Variants in KCNK9 observed in about 807,000 individuals in gnomAD.
The protein encoded by KCNK9 is potassium channel subfamily K member 9.
KCNK9 carries 1 observed loss-of-function variant against 10.8 expected under a neutral mutation model. The observed-to-expected ratio is 0.09, with a 90% CI of 0.03 to 0.44. The LOEUF (loss-of-function observed/expected upper bound fraction) is 0.44. Among genes scored for constraint, KCNK9 ranks in the 20% least tolerant of loss-of-function variants. The probability of loss-of-function intolerance (pLI) is 0.97; values close to 1 mark genes in which losing one functional copy is unlikely to be tolerated. For synonymous variants in KCNK9, 231 were observed against 222.7 expected (o/e 1.04, Z -0.33); for missense variants, 303 against 515.0 (o/e 0.59, Z 3.98).
At position 139,697,942 on chromosome 8, in the gene KCNK9, G is replaced by C. The variant is rs547932446; in HGVS notation, c.283+4768C>G. Reference sequence around the variant, plus strand: ...ATCTCCTGGCTCCCCAGCATGGCCAGCTACCCTGCTGGACATTACCAAGGA... The same window carrying C: ...ATCTCCTGGCTCCCCAGCATGGCCACCTACCCTGCTGGACATTACCAAGGA... On this transcript the variant is annotated intron_variant, in intron 1 of 1. Transcript: ENST00000520439. Among the ~76,000 whole-genome samples, 4 of 152,268 alleles carry C rather than the reference G, an allele frequency of 2.6e-5. No individual in the cohort carries two copies. In the East Asian group the frequency reaches 7.7e-4, roughly 29 times the overall value.
At chr8:139,625,808 TA>T (rs1480881835) in intron 1 of KCNK9, among the ~76,000 whole-genome samples, 2 of 151,628 alleles carry the variant, frequency 1.3e-5, no homozygotes, top group African/African-American at 4.9e-5. Flanking sequence ...TAATCATTTC[TA>T]TTGGGTCTGG....
downstream of KCNK9, chr8:139,611,898 A>C (rs1814436627): frequency 6.6e-6 from 1 of 152,242 alleles, no homozygotes; most frequent in African/African-American, 2.4e-5. Context: ...CCATTTGGGC[A>C]AGATGCCAGA....
exon 3 of KCNK9, chr8:139,601,413 T>C (rs1388330257): frequency 6.6e-6 from 1 of 152,196 alleles, no homozygotes; most frequent in Non-Finnish European, 1.5e-5. Flanking sequence ...GACTGGTTCC[T>C]TACAGCCACC....
intron 2 of KCNK9, among the ~76,000 whole-genome samples, chr8:139,603,262 C>T (rs1367520100): frequency 6.6e-6 from 1 of 152,194 alleles, no homozygotes; most frequent in African/African-American, 2.4e-5. Flanking sequence ...ATTTGGGCAG[C>T]GGCACAAGCA....
At chr8:139,700,782 G>T (rs1817200596) in intron 1 of KCNK9, among the ~76,000 whole-genome samples, 3 of 152,118 alleles carry the variant, frequency 2.0e-5, no homozygotes, top group Non-Finnish European at 4.4e-5. Flanking sequence ...CTACCAATCA[G>T]AATCAACCAT....
At chr8:139,613,201 G>A (rs1814485634), downstream of KCNK9, among the ~76,000 whole-genome samples, 1 of 152,226 alleles carries the variant, frequency 6.6e-6, no homozygotes, top group African/African-American at 2.4e-5. Flanking sequence ...CCAAACATCT[G>A]AGTGAGAGTT....
At chr8:139,662,599 G>C (rs953606607) in intron 1 of KCNK9, among the ~76,000 whole-genome samples, 4 of 152,080 alleles carry the variant, frequency 2.6e-5, no homozygotes, top group Non-Finnish European at 4.4e-5. Flanking sequence ...ACAGGCCTAG[G>C]CTGCCAGGTT....
intron 1 of KCNK9, among the ~76,000 whole-genome samples, chr8:139,634,936 G>A (rs1027820384): frequency 2.6e-5 from 4 of 152,240 alleles, no homozygotes; most frequent in South Asian, 2.1e-4. Context: ...ATGAGCGGGC[G>A]GGGGCAGCCA....
chr8:139,639,619 G>A (rs368564557), intron 1 of KCNK9, among the ~76,000 whole-genome samples: 152 of 152,352 alleles, frequency 1.0e-3, no homozygotes, highest in East Asian at 3.9e-3. Context: ...GGCATGTGAC[G>A]AAGGGGCAGA....
intron 1 of KCNK9, among the ~76,000 whole-genome samples, chr8:139,625,937 C>A (rs1361477997): frequency 6.6e-6 from 1 of 152,188 alleles, no homozygotes; most frequent in African/African-American, 2.4e-5. Flanking sequence ...GTACCAGAAG[C>A]TTCCCAGCTT....
chr8:139,652,630 A>G (rs1173700760), intron 1 of KCNK9, among the ~76,000 whole-genome samples: 1 of 152,138 alleles, frequency 6.6e-6, no homozygotes, highest in Non-Finnish European at 1.5e-5. Flanking sequence ...AGGCTGATTC[A>G]ATGGTTATTT....
intron 1 of KCNK9, among the ~76,000 whole-genome samples, chr8:139,654,304 T>G (rs1815955611): frequency 6.6e-6 from 1 of 152,192 alleles, no homozygotes; most frequent in Non-Finnish European, 1.5e-5. Context: ...TTCAGCCCCC[T>G]TCATCTGGGG....
chr8:139,639,360 G>A (rs536565783), intron 1 of KCNK9, among the ~76,000 whole-genome samples: 63 of 152,334 alleles, frequency 4.1e-4, no homozygotes, highest in Non-Finnish European at 7.1e-4. Context: ...ATGTGGCCCC[G>A]GGTGCTCTGC....
chr8:139,649,647 G>A (rs1477649389), intron 1 of KCNK9, among the ~76,000 whole-genome samples: 2 of 152,142 alleles, frequency 1.3e-5, no homozygotes, highest in Non-Finnish European at 1.5e-5. Context: ...AGCCTTCAAT[G>A]GCTCCCCAGT....
chr8:139,602,744 T>C (rs561524015), intron 2 of KCNK9, among the ~76,000 whole-genome samples: 93 of 152,346 alleles, frequency 6.1e-4, no homozygotes, highest in African/African-American at 2.2e-3. Flanking sequence ...GTTCTGATAC[T>C]GCTCATCGTG....
At chr8:139,653,446 A>C (rs1018381317) in intron 1 of KCNK9, among the ~76,000 whole-genome samples, 4 of 151,798 alleles carry the variant, frequency 2.6e-5, no homozygotes, top group Non-Finnish European at 5.9e-5. Flanking sequence ...GCCTCTGCCC[A>C]ATTTCTGGGT....
intron 1 of KCNK9, among the ~76,000 whole-genome samples, chr8:139,645,388 C>T (rs986190908): frequency 4.6e-5 from 7 of 152,196 alleles, no homozygotes; most frequent in Non-Finnish European, 7.3e-5. Context: ...GCCCACCTGC[C>T]CTCAGCATGG....
chr8:139,608,408 A>G (rs1814305001), downstream of KCNK9, among the ~76,000 whole-genome samples: 1 of 152,234 alleles, frequency 6.6e-6, no homozygotes, highest in African/African-American at 2.4e-5. Context: ...CCTGTTCTCC[A>G]GATCCTTCCT....
intron 1 of KCNK9, among the ~76,000 whole-genome samples, chr8:139,630,561 G>A (rs1815133230): frequency 6.6e-6 from 1 of 152,238 alleles, no homozygotes; most frequent in African/African-American, 2.4e-5. Context: ...TGCAGACACA[G>A]GCCTGAGCCT....
Sources: allele counts gnomAD v4.1 joint callset (sites outside exome capture counted in the v4.1 genomes callset), GRCh38; gene constraint gnomAD v4.1.1; transcripts MANE v1.5; gene names NCBI Gene and HGNC (gene_info 2026-07-23, HGNC 2026-07-21).